Variants in ASB7 observed in about 807,000 individuals in gnomAD.
ASB7 encodes ankyrin repeat and SOCS box protein 7.
ASB7 carries 4 observed loss-of-function variants against 32.5 expected under a neutral mutation model. That is an observed-to-expected ratio of 0.12 (90% CI 0.06 to 0.28). The LOEUF (loss-of-function observed/expected upper bound fraction) is 0.28. Ranked by LOEUF, ASB7 falls within the 10% of genes least tolerant of loss-of-function variation. The pLI is 1.00. For missense variants in ASB7, 181 were observed against 407.1 expected, an observed-to-expected ratio of 0.44 and a Z score of 4.78; for synonymous variants, 172 against 155.6, an observed-to-expected ratio of 1.11 and a Z score of -0.78.
intron 2 of ASB7, among the ~76,000 whole-genome samples, chr15:100,606,877 G>A (rs1006548316): frequency 6.6e-5 from 10 of 151,992 alleles, no homozygotes; most frequent in African/African-American, 1.2e-4. Flanking sequence ...CCTCCTGGCC[G>A]GGCGCGGTGG....
chr15:100,634,283 T>G (rs2039906173), intron 5 of ASB7, among the ~76,000 whole-genome samples: 1 of 152,182 alleles, frequency 6.6e-6, no homozygotes, highest in South Asian at 2.1e-4. Flanking sequence ...CCTCAGGCAG[T>G]GACTAGCAGG....
intron 5 of ASB7, chr15:100,645,444 A>G (rs2039991305): frequency 2.4e-6 from 1 of 416,680 alleles, no homozygotes; most frequent in East Asian, 5.3e-5. Context: ...GAATATCTGT[A>G]GGAATACAGT....
intron 4 of ASB7, among the ~76,000 whole-genome samples, chr15:100,628,284 C>T (rs1297802057): frequency 6.6e-6 from 1 of 152,100 alleles, no homozygotes; most frequent in African/African-American, 2.4e-5. Flanking sequence ...TAGTTTTCTG[C>T]CTCAGATTTT....
At chr15:100,603,136 C>A in intron 1 of ASB7, 79 bp from the exon 2 acceptor site, 1 of 397,124 alleles carries the variant, frequency 2.5e-6, no homozygotes, top group South Asian at 1.4e-4. Context: ...CTGCCCTTGC[C>A]ACTCTCCAGC....
chr15:100,602,999 T>G lies in ASB7; in HGVS notation c.-320T>G, dbSNP rs971950946. ...TTTCTTCAATGGAGAAGTTGGTGAG[T>G]GTAGAGGAGGCTGAAAGGAGGAAGA... On this transcript the variant is annotated 5_prime_UTR_variant, in exon 1 of 6. Coordinates refer to ENST00000332783, the MANE Select transcript of ASB7 (RefSeq NM_198243.3). 5.0e-6 allele frequency: 2 copies of G among 399,066 alleles called. No individual in the cohort carries two copies. Among genetic ancestry groups the G allele is most frequent in the Non-Finnish European group, 8.8e-6 (2 of 226,716 alleles). 24.7% of individuals were successfully genotyped at this position (399,066 alleles called of 1,614,324 possible). A position where few individuals can be genotyped will look rare whatever the true frequency, so the allele number is the denominator to read the frequency against.
At chr15:100,643,446 A>G (rs2039974708) in intron 5 of ASB7, among the ~76,000 whole-genome samples, 2 of 138,320 alleles carry the variant, frequency 1.4e-5, no homozygotes, top group African/African-American at 2.8e-5. Flanking sequence ...CAGATCCCCC[A>G]TTCCATAACC....
intron 2 of ASB7, among the ~76,000 whole-genome samples, chr15:100,606,287 ATTTC>A: frequency 6.6e-6 from 1 of 151,910 alleles, no homozygotes; most frequent in Admixed American, 6.6e-5. Flanking sequence ...AGAAATGCTT[ATTTC>A]TTTCTTTGAG....
At chr15:100,646,397 C>A in intron 5 of ASB7, 1 of 395,676 alleles carries the variant, frequency 2.5e-6, no homozygotes, top group South Asian at 2.1e-5. Context: ...GTGTACTTCT[C>A]CGCGTATTCT....
rs759212969 is a variant in ASB7, at chr15:100,612,174, C to T, written c.-43C>T. The T allele has an allele frequency of 1.6e-5, 24 of 1,537,006 alleles. No individual in the cohort carries two copies. Among genetic ancestry groups the T allele is most frequent in the Non-Finnish European group, 1.9e-5 (21 of 1,112,600 alleles). Reference sequence around the variant, plus strand: ...ACCTTCTCTTCTTAAAGGCTGATCCCCGTAACCTAATGAATCCTTTGTAAA... The same window carrying T: ...ACCTTCTCTTCTTAAAGGCTGATCCTCGTAACCTAATGAATCCTTTGTAAA... On this transcript the variant is annotated 5_prime_UTR_variant, in exon 4 of 6. Transcript: ENST00000332783.
chr15:100,624,979 T>C (rs2039825900), intron 4 of ASB7, among the ~76,000 whole-genome samples: 1 of 152,218 alleles, frequency 6.6e-6, no homozygotes, highest in African/African-American at 2.4e-5. Flanking sequence ...ATCAATAGGC[T>C]GAGTAATTTG....
rs188825762 is a variant in ASB7 at position 100,614,451 on chromosome 15, G to A, written c.211+2024G>A. On this transcript the variant is annotated intron_variant, in intron 4 of 5. Coordinates refer to ENST00000332783, the MANE Select transcript of ASB7 (RefSeq NM_198243.3). ...AGTCTGCAAACTTGTTCTGTAAAAG[G>A]CCAGATAGTAAACATGAGAGGCTTT... Among the ~76,000 whole-genome samples the A allele has an allele frequency of 1.1e-4, 16 of 152,134 alleles. No homozygotes were observed. In the East Asian group the frequency reaches 3.1e-3, roughly 29 times the overall value.
At position 100,643,475 on chromosome 15, in the gene ASB7, TTC is replaced by T. The variant is rs1323613712; in HGVS notation, c.818-4846_818-4845del. Among the ~76,000 whole-genome samples the T allele has an allele frequency of 1.3e-3, 195 of 144,600 alleles. 6 individuals carry two copies. Among genetic ancestry groups the T allele is most frequent in the African/African-American group, 5.0e-3 (188 of 37,882 alleles). 94.9% of individuals were successfully genotyped at this position (144,600 alleles called of 152,430 possible). On this transcript the variant is annotated intron_variant, in intron 5 of 5. Coordinates refer to ENST00000332783, the MANE Select transcript of ASB7 (RefSeq NM_198243.3). Reference sequence around the variant, plus strand: ...CATAACCTTTTGTCTCAGTCCCTTCTTCTTTTTTTTTTTTTTTTTTTTTTTTT... The same window carrying T: ...CATAACCTTTTGTCTCAGTCCCTTCTTTTTTTTTTTTTTTTTTTTTTTTTT...
At chr15:100,609,014 T>C (rs2039671700) in intron 2 of ASB7, among the ~76,000 whole-genome samples, 1 of 152,250 alleles carries the variant, frequency 6.6e-6, no homozygotes, top group African/African-American at 2.4e-5. Context: ...GAAGTCACTT[T>C]GTGTCCTTAA....
chr15:100,604,012 A>G (rs1444305985), intron 2 of ASB7, among the ~76,000 whole-genome samples: 1 of 152,220 alleles, frequency 6.6e-6, no homozygotes, highest in Non-Finnish European at 1.5e-5. Context: ...ATAAAGATAC[A>G]ATGTTTCTTA....
At chr15:100,624,561 G>C (rs1409689471) in intron 4 of ASB7, among the ~76,000 whole-genome samples, 2 of 152,208 alleles carry the variant, frequency 1.3e-5, no homozygotes, top group Admixed American at 1.3e-4. Context: ...CAGATTTCCT[G>C]ATGCACAAAA....
intron 4 of ASB7, among the ~76,000 whole-genome samples, chr15:100,623,235 C>G (rs1468279294): frequency 6.6e-6 from 1 of 152,108 alleles, no homozygotes; most frequent in East Asian, 1.9e-4. Flanking sequence ...CCCATCTCTA[C>G]TAAAAATACA....
At chr15:100,606,887 G>A (rs2039649619) in intron 2 of ASB7, among the ~76,000 whole-genome samples, 1 of 152,118 alleles carries the variant, frequency 6.6e-6, no homozygotes, top group African/African-American at 2.4e-5. Flanking sequence ...GGGCGCGGTG[G>A]CTCACACCTG....
chr15:100,627,168 T>C (rs1326688312), intron 4 of ASB7, among the ~76,000 whole-genome samples: 1 of 152,216 alleles, frequency 6.6e-6, no homozygotes, highest in Non-Finnish European at 1.5e-5. Flanking sequence ...TTCTCGTAAA[T>C]TTAAATGAAC....
rs2039864785 is a variant in ASB7 at position 100,629,113 on chromosome 15, A to T, written c.212-324A>T. Among the ~76,000 whole-genome samples the T allele has an allele frequency of 1.3e-5, 2 of 152,218 alleles. No individual in the cohort carries two copies. On this transcript the variant is annotated intron_variant, in intron 4 of 5. Transcript: ENST00000332783. This position sits in a 1 kb window ranked among gnomAD's most constrained non-coding sequence, Gnocchi z 6.8. ...AGAAACATGAAACAGTGCAGAGATG[A>T]AGGAGTTGAGTAGCCAGAGGCAGTT...
Sources: gnomAD v4.1 joint callset for allele counts (sites outside exome capture counted in the v4.1 genomes callset) on GRCh38, gnomAD v4.1.1 for gene constraint, Gnocchi (gnomAD v3.1) non-coding constraint, MANE v1.5 for transcripts, NCBI Gene and HGNC (gene_info 2026-07-23, HGNC 2026-07-21) for gene names.